CLDN14: variants seen among roughly 807,000 people sequenced by gnomAD.
The protein encoded by CLDN14 is claudin 14.
CLDN14 carries 2 observed loss-of-function variants against 2.1 expected under a neutral mutation model. The ratio of observed to expected loss-of-function variants is 0.96; its 90% CI spans 0.39 to 3.01. The LOEUF is 3.01. Ranked by LOEUF, CLDN14 falls within the 30% of genes most tolerant of loss-of-function variation. CLDN14 has a pLI of 0.09. For missense variants in CLDN14, 298 were observed against 328.0 expected (o/e 0.91, Z 0.71); for synonymous variants, 136 against 154.4 (o/e 0.88, Z 0.88).
intron 1 of CLDN14, among the ~76,000 whole-genome samples, chr21:36,543,092 C>T (rs375490428): frequency 3.3e-5 from 5 of 152,176 alleles, no homozygotes; most frequent in African/African-American, 9.7e-5. Context: ...TTTCAACAAC[C>T]CGCCTCCCAC....
chr21:36,552,965 G>T (rs1271186493), intron 1 of CLDN14, among the ~76,000 whole-genome samples: 1 of 152,184 alleles, frequency 6.6e-6, no homozygotes, highest in Admixed American at 6.5e-5. Flanking sequence ...GGGGTGCAGA[G>T]GCCCCTCCTC....
At chr21:36,464,072 A>G (rs933327097) in intron 1 of CLDN14, among the ~76,000 whole-genome samples, 1 of 152,142 alleles carries the variant, frequency 6.6e-6, no homozygotes, top group African/African-American at 2.4e-5. Flanking sequence ...TGGGAAGCAA[A>G]TGAATCACGG....
At chr21:36,561,035 A>T (rs1213539266) in intron 1 of CLDN14, among the ~76,000 whole-genome samples, 2 of 152,256 alleles carry the variant, frequency 1.3e-5, no homozygotes, top group African/African-American at 4.8e-5. Flanking sequence ...GATTGGTTTC[A>T]ATAAGCATGA....
chr21:36,505,965 T>C (rs1462899043), intron 2 of CLDN14, among the ~76,000 whole-genome samples: 3 of 152,200 alleles, frequency 2.0e-5, no homozygotes, highest in African/African-American at 7.2e-5. Context: ...CATTTGGTAA[T>C]ATCTATCAAA....
rs534731201 is a variant in CLDN14, at chr21:36,498,475, A to G, written c.-82+11888T>C. On this transcript the variant is annotated intron_variant, in intron 2 of 2. Coordinates refer to the CLDN14 transcript ENST00000342108. The surrounding 1 kb of genome is among the most constrained non-coding windows in gnomAD (Gnocchi z 4.9). ...ACCAGTAGACCAACTGGTGGGAAAA[A>G]TACTTGCACGGCAGCAGGTTGTTTG... 2.0e-4 allele frequency among the ~76,000 whole-genome samples: 30 copies of G among 152,302 alleles called. No individual in the cohort carries two copies. In the Middle Eastern group the frequency reaches 0.01, roughly 52 times the overall value.
chr21:36,467,812 C>T (rs1190414901), intron 1 of CLDN14, among the ~76,000 whole-genome samples: 2 of 152,182 alleles, frequency 1.3e-5, no homozygotes, highest in Non-Finnish European at 2.9e-5. Context: ...ACACATTGCT[C>T]CGTGGCCCTT....
upstream of CLDN14, among the ~76,000 whole-genome samples, chr21:36,484,806 C>T (rs558187202): frequency 3.3e-5 from 5 of 152,272 alleles, no homozygotes; most frequent in South Asian, 2.1e-4. Context: ...CTCCGCCTGC[C>T]GGGTTCAAGT....
At chr21:36,525,115 C>T (rs1252772907) in intron 1 of CLDN14, among the ~76,000 whole-genome samples, 2 of 152,296 alleles carry the variant, frequency 1.3e-5, no homozygotes, top group East Asian at 3.9e-4. Flanking sequence ...GCAAGCATGG[C>T]CAAACCACTC....
intron 2 of CLDN14, among the ~76,000 whole-genome samples, chr21:36,505,433 T>A (rs1012693254): frequency 4.6e-5 from 7 of 152,316 alleles, no homozygotes; most frequent in African/African-American, 1.7e-4. Flanking sequence ...TCCTGAATAA[T>A]GTTCTAGTAG....
chr21:36,534,022 C>T (rs542026105), intron 1 of CLDN14, among the ~76,000 whole-genome samples: 17 of 152,292 alleles, frequency 1.1e-4, no homozygotes, highest in South Asian at 2.1e-4. Context: ...TAAGATCTGA[C>T]GTGCCTGTGC....
At chr21:36,504,773 G>A (rs2087117263) in intron 2 of CLDN14, among the ~76,000 whole-genome samples, 1 of 152,188 alleles carries the variant, frequency 6.6e-6, no homozygotes, top group South Asian at 2.1e-4. Context: ...GGCTGATGTT[G>A]ACTTCAATGA....
intron 1 of CLDN14, among the ~76,000 whole-genome samples, chr21:36,534,787 G>T (rs1453953339): frequency 6.6e-6 from 1 of 152,170 alleles, no homozygotes; most frequent in Non-Finnish European, 1.5e-5. Context: ...CCTGGGCAAG[G>T]TGTCAGTCTC....
intron 1 of CLDN14, among the ~76,000 whole-genome samples, chr21:36,462,324 T>C (rs1186499263): frequency 6.6e-6 from 1 of 151,560 alleles, no homozygotes; most frequent in Non-Finnish European, 1.5e-5. Context: ...ACCTAGAGAT[T>C]GTCAGCTGAT....
intron 1 of CLDN14, among the ~76,000 whole-genome samples, chr21:36,538,018 C>CAG (rs915036194): frequency 2.3e-5 from 3 of 130,216 alleles, no homozygotes; most frequent in South Asian, 2.4e-4. Flanking sequence ...TGTGTGTGTA[C>CAG]AGAGAGAGAG....
At chr21:36,485,326 A>C (rs531562402) in intron 2 of CLDN14, among the ~76,000 whole-genome samples, 1 of 151,156 alleles carries the variant, frequency 6.6e-6, no homozygotes, top group Admixed American at 6.6e-5. Flanking sequence ...CTCTTGCCTC[A>C]GCCTCCCAAG....
chr21:36,532,766 C>T (rs991014357), intron 1 of CLDN14, among the ~76,000 whole-genome samples: 2 of 152,054 alleles, frequency 1.3e-5, no homozygotes, highest in Admixed American at 1.3e-4. Context: ...AGTATTTTGA[C>T]TAAAAGAAAG....
chr21:36,550,584 C>T (rs548999948), intron 1 of CLDN14, among the ~76,000 whole-genome samples: 4 of 152,264 alleles, frequency 2.6e-5, no homozygotes, highest in African/African-American at 9.6e-5. Context: ...GGCATCAGCC[C>T]GGTTTCTAAC....
intron 1 of CLDN14, among the ~76,000 whole-genome samples, chr21:36,565,981 T>C (rs1437174476): frequency 1.3e-5 from 2 of 152,242 alleles, no homozygotes; most frequent in Non-Finnish European, 2.9e-5. Flanking sequence ...TTTTTTAGTC[T>C]AGTTTGTTTC....
chr21:36,542,028 G>A (rs796492603), intron 1 of CLDN14, among the ~76,000 whole-genome samples: 28 of 152,190 alleles, frequency 1.8e-4, no homozygotes, highest in African/African-American at 6.0e-4. Context: ...TGTGATCTCC[G>A]CTCACTGCAT....
Sources: allele counts gnomAD v4.1 joint callset (sites outside exome capture counted in the v4.1 genomes callset), GRCh38; gene constraint gnomAD v4.1.1; non-coding constraint Gnocchi (gnomAD v3.1); transcripts MANE v1.5; gene names NCBI Gene and HGNC (gene_info 2026-07-23, HGNC 2026-07-21).